NAV2: variants seen among roughly 807,000 people sequenced by gnomAD.
NAV2 encodes neuron navigator 2.
A neutral mutation model predicts 223.2 loss-of-function variants in NAV2; 54 were observed. The ratio of observed to expected loss-of-function variants is 0.24; its 90% CI spans 0.19 to 0.30. The LOEUF is 0.30. Ranked by LOEUF, NAV2 falls within the 10% of genes least tolerant of loss-of-function variation. The pLI, the probability that NAV2 is intolerant of heterozygous loss-of-function variation, is 1.00. For missense variants in NAV2, 2,806 were observed against 3,147.5 expected, an observed-to-expected ratio of 0.89 and a Z score of 2.60; for synonymous variants, 1,279 against 1,239.3, an observed-to-expected ratio of 1.03 and a Z score of -0.67.
At chr11:19,864,892 G>A (rs7927253) in intron 3 of NAV2, among the ~76,000 whole-genome samples, 22,688 of 151,982 alleles carry the variant, frequency 0.15, 1,757 homozygotes, top group African/African-American at 0.17. Flanking sequence ...TCCAAGCCAC[G>A]TGGTAGTCCC....
chr11:19,954,605 T>G (rs1314209302), intron 10 of NAV2, among the ~76,000 whole-genome samples: 1 of 152,218 alleles, frequency 6.6e-6, no homozygotes, highest in African/African-American at 2.4e-5. Flanking sequence ...TATGGATAGT[T>G]GTTATACTTT....
intron 1 of NAV2, among the ~76,000 whole-genome samples, chr11:19,379,620 G>A (rs527515413): frequency 2.6e-5 from 4 of 152,266 alleles, no homozygotes; most frequent in South Asian, 2.1e-4. Flanking sequence ...GGCCACATCC[G>A]CTGCCCTGAC....
intron 1 of NAV2, among the ~76,000 whole-genome samples, chr11:19,454,881 T>C (rs1026991560): frequency 6.6e-6 from 1 of 152,194 alleles, no homozygotes; most frequent in African/African-American, 2.4e-5. Context: ...AAACTTTGTG[T>C]CTTCAGGGAG....
intron 1 of NAV2, among the ~76,000 whole-genome samples, chr11:19,683,301 G>A (rs978608278): frequency 6.6e-5 from 10 of 152,264 alleles, no homozygotes; most frequent in South Asian, 2.1e-4. Flanking sequence ...CAGGGGTTGC[G>A]GGGTGTAACA....
In NAV2 at chr11:19,461,159, G is replaced by C. The variant is rs114287224; in HGVS notation, c.75+110132G>C. ...CTGTTTTGTTGGCAACTACAGTGCT[G>C]AGTAAATGCCACGGGAAAGTTGAAA... On this transcript the variant is annotated intron_variant, in intron 1 of 37. Coordinates refer to the NAV2 transcript ENST00000360655. Among the ~76,000 whole-genome samples the C allele has an allele frequency of 3.4e-3, 514 of 151,972 alleles. 3 individuals are homozygous for C. Among genetic ancestry groups the C allele is most frequent in the African/African-American group, 0.012 (485 of 41,424 alleles).
chr11:19,745,647 G>T (rs528040042), intron 1 of NAV2, among the ~76,000 whole-genome samples: 1 of 152,200 alleles, frequency 6.6e-6, no homozygotes, highest in African/African-American at 2.4e-5. Flanking sequence ...TCCATGGACA[G>T]AGATGCAGGA....
intron 1 of NAV2, among the ~76,000 whole-genome samples, chr11:19,715,882 G>T (rs1274049861): frequency 2.0e-5 from 3 of 152,162 alleles, no homozygotes; most frequent in African/African-American, 7.2e-5. Flanking sequence ...ACTTCCAGTG[G>T]ACTACCCTGA....
intron 1 of NAV2, among the ~76,000 whole-genome samples, chr11:19,725,420 C>A (rs1007367276): frequency 5.3e-5 from 8 of 152,166 alleles, no homozygotes; most frequent in Non-Finnish European, 1.0e-4. Context: ...GTTTAAGGTC[C>A]CCCAGCAAGT....
intron 6 of NAV2, among the ~76,000 whole-genome samples, chr11:19,930,696 A>G (rs146376825): frequency 1.3e-5 from 2 of 152,366 alleles, no homozygotes; most frequent in African/African-American, 4.8e-5. Context: ...ATGAATAGAT[A>G]CATATGAATG....
At chr11:20,077,493 C>G (rs1040301200) in intron 22 of NAV2, 59 bp from the exon 23 acceptor site, 36 of 1,342,666 alleles carry the variant, frequency 2.7e-5, no homozygotes, top group Non-Finnish European at 3.6e-5. Context: ...GAGCCAGACA[C>G]CTTCTAAGCA....
chr11:19,932,464 A>G (rs1419103532), intron 6 of NAV2, among the ~76,000 whole-genome samples: 2 of 152,066 alleles, frequency 1.3e-5, no homozygotes, highest in South Asian at 4.2e-4. Context: ...GATTACAGGC[A>G]TGTGCCACCA....
chr11:20,117,679 G>A (rs1315845742), intron 37 of NAV2, among the ~76,000 whole-genome samples: 3 of 152,106 alleles, frequency 2.0e-5, no homozygotes, highest in African/African-American at 2.4e-5. Flanking sequence ...ATGTGCTTCC[G>A]ATGTCAGTGA....
At chr11:19,753,941 G>A (rs185014777) in intron 1 of NAV2, among the ~76,000 whole-genome samples, 2 of 152,324 alleles carry the variant, frequency 1.3e-5, no homozygotes, top group East Asian at 3.9e-4. Flanking sequence ...GTGGGTGGAG[G>A]TTTTGGTAAT....
chr11:19,779,326 G>A (rs1215244668), intron 1 of NAV2, among the ~76,000 whole-genome samples: 1 of 152,206 alleles, frequency 6.6e-6, no homozygotes, highest in Non-Finnish European at 1.5e-5. Context: ...GCCCAGGCAG[G>A]AAGAGGCATG....
At chr11:20,075,531 A>G (rs2059683267) in intron 22 of NAV2, among the ~76,000 whole-genome samples, 1 of 151,870 alleles carries the variant, frequency 6.6e-6, no homozygotes. Flanking sequence ...ATGAGCTACC[A>G]CGCCTGGCCT....
chr11:19,930,068 G>A (rs912618479), intron 6 of NAV2, among the ~76,000 whole-genome samples: 2 of 152,130 alleles, frequency 1.3e-5, no homozygotes, highest in African/African-American at 2.4e-5. Flanking sequence ...TCTAGGGGGC[G>A]GGAGCTTTAT....
chr11:19,839,006 G>A (rs1471994029), intron 2 of NAV2, among the ~76,000 whole-genome samples: 1 of 152,198 alleles, frequency 6.6e-6, no homozygotes, highest in African/African-American at 2.4e-5. Context: ...TAGTGGGATT[G>A]TTTGCGACTT....
At chr11:19,718,481 GCA>G (rs1487753148) in intron 1 of NAV2, among the ~76,000 whole-genome samples, 2 of 152,188 alleles carry the variant, frequency 1.3e-5, no homozygotes, top group Non-Finnish European at 1.5e-5. Context: ...GAAAAAGAAA[GCA>G]TAGAGGAGGC....
At chr11:19,640,816 G>C (rs1232364324) in intron 1 of NAV2, among the ~76,000 whole-genome samples, 1 of 152,190 alleles carries the variant, frequency 6.6e-6, no homozygotes, top group Non-Finnish European at 1.5e-5. Context: ...TAAAATCTAA[G>C]ACTTACAACA....
Sources: allele counts gnomAD v4.1 joint callset (sites outside exome capture counted in the v4.1 genomes callset), GRCh38; gene constraint gnomAD v4.1.1; transcripts MANE v1.5; gene names NCBI Gene and HGNC (gene_info 2026-07-23, HGNC 2026-07-21).